The following MEGF9 variants were observed in gnomAD, a reference collection of about 807,000 sequenced individuals.
MEGF9 encodes multiple epidermal growth factor-like domains protein 9.
In MEGF9, 6 loss-of-function variants were observed where a neutral mutation model predicts 46.8. That is an observed-to-expected ratio of 0.13 (90% CI 0.07 to 0.25). The LOEUF (loss-of-function observed/expected upper bound fraction) is 0.25, where lower values mean the gene tolerates loss of function less well. Among genes scored for constraint, MEGF9 ranks in the 10% least tolerant of loss-of-function variants. The pLI, the probability that MEGF9 is intolerant of heterozygous loss-of-function variation, is 1.00. For missense variants in MEGF9, 683 were observed against 792.4 expected, an observed-to-expected ratio of 0.86 and a Z score of 1.66; for synonymous variants, 302 against 330.7, an observed-to-expected ratio of 0.91 and a Z score of 0.94.
chr9:120,628,824 A>T lies in MEGF9; in HGVS notation c.804-6069T>A, dbSNP rs75976180. ...TTTGCTATGCAAATATCCTTGAATA[A>T]ATAGTCCAGAACAAGGCAGTGCCTC... On this transcript the variant is annotated intron_variant, in intron 2 of 5. Transcript: ENST00000373930. Among the ~76,000 whole-genome samples, 1,218 of 152,302 alleles carry T rather than the reference A, an allele frequency of 8.0e-3. 20 individuals are homozygous for T. Among genetic ancestry groups the T allele is most frequent in the African/African-American group, 0.028 (1,158 of 41,558 alleles).
intron 2 of MEGF9, among the ~76,000 whole-genome samples, chr9:120,648,415 T>C (rs1023372968): frequency 6.6e-6 from 1 of 152,010 alleles, no homozygotes; most frequent in Non-Finnish European, 1.5e-5. Context: ...TCCCCACTAC[T>C]ACCAAACTTT....
In MEGF9 at chr9:120,603,878, A is replaced by AT. The variant is rs1308182146; in HGVS notation, c.*1311dup. 6.6e-6 allele frequency: 1 copy of AT among 152,554 alleles called. No homozygotes were observed. The highest frequency in any genetic ancestry group is 2.4e-5 in the African/African-American group (1 of 41,412). The allele number at this position is 152,554 out of a possible 1,614,324, so 9.5% of individuals were successfully genotyped here. A position where few individuals can be genotyped will look rare whatever the true frequency, so the allele number is the denominator to read the frequency against. ...GACAGGCTATGTTCACATGTAGGAG[A>AT]TTTTTTATTTGGGGTGAGGGAGGAT... On this transcript the variant is annotated 3_prime_UTR_variant, in exon 6 of 6. Coordinates refer to ENST00000373930, the MANE Select transcript of MEGF9 (RefSeq NM_001080497.3).
intron 2 of MEGF9, among the ~76,000 whole-genome samples, chr9:120,646,036 A>G (rs1385561628): frequency 6.6e-6 from 1 of 152,332 alleles, no homozygotes; most frequent in East Asian, 1.9e-4. Context: ...AAGCATTTCC[A>G]TAAGTTCAAC....
chr9:120,627,864 A>T (rs2043532311), intron 2 of MEGF9, among the ~76,000 whole-genome samples: 1 of 152,238 alleles, frequency 6.6e-6, no homozygotes, highest in Non-Finnish European at 1.5e-5. Flanking sequence ...TGACACTCTG[A>T]CATGAAGACA....
At chr9:120,646,077 T>C (rs916092877) in intron 2 of MEGF9, among the ~76,000 whole-genome samples, 2 of 152,200 alleles carry the variant, frequency 1.3e-5, no homozygotes, top group Non-Finnish European at 2.9e-5. Context: ...TAGATTTGTA[T>C]GTATTAATGC....
At chr9:120,631,864 T>C (rs2043552075) in intron 2 of MEGF9, among the ~76,000 whole-genome samples, 1 of 152,162 alleles carries the variant, frequency 6.6e-6, no homozygotes, top group African/African-American at 2.4e-5. Flanking sequence ...CTTTTGGTAG[T>C]ATGGTTATTT....
chr9:120,618,472 T>C (rs1053734513), intron 3 of MEGF9, among the ~76,000 whole-genome samples: 8 of 152,222 alleles, frequency 5.3e-5, no homozygotes, highest in Admixed American at 1.3e-4. Context: ...AAGTATATTA[T>C]ATGAACATGA....
intron 1 of MEGF9, among the ~76,000 whole-genome samples, chr9:120,690,721 A>G (rs968027698): frequency 1.3e-5 from 2 of 152,114 alleles, no homozygotes; most frequent in African/African-American, 4.8e-5. Flanking sequence ...TTGTTTTCAT[A>G]GTTGCAACTG....
At chr9:120,634,347 T>G in intron 2 of MEGF9, among the ~76,000 whole-genome samples, 1 of 151,930 alleles carries the variant, frequency 6.6e-6, no homozygotes, top group Non-Finnish European at 1.5e-5. Flanking sequence ...TATAATGACC[T>G]TTTTTGTCTC....
intron 1 of MEGF9, among the ~76,000 whole-genome samples, chr9:120,693,207 C>T (rs1448158753): frequency 1.4e-5 from 2 of 141,322 alleles, no homozygotes; most frequent in Non-Finnish European, 3.0e-5. Flanking sequence ...CTTAGTGAAG[C>T]ACTGTTAAAG....
chr9:120,691,811 A>C (rs2043849757), intron 1 of MEGF9, among the ~76,000 whole-genome samples: 1 of 152,220 alleles, frequency 6.6e-6, no homozygotes, highest in African/African-American at 2.4e-5. Flanking sequence ...TTCAAGGCTG[A>C]ACATTACCGG....
At chr9:120,677,117 G>T (rs540445857) in intron 1 of MEGF9, among the ~76,000 whole-genome samples, 2 of 8,320 alleles carry the variant, frequency 2.4e-4, no homozygotes, top group East Asian at 5.6e-3. Context: ...TTTTCTTTTC[G>T]TGTGTGTGAG....
At chr9:120,650,574 T>C (rs2043645257) in intron 2 of MEGF9, among the ~76,000 whole-genome samples, 1 of 152,298 alleles carries the variant, frequency 6.6e-6, no homozygotes, top group South Asian at 2.1e-4. Context: ...AGCCAAAATC[T>C]ACCCTCACTG....
intron 1 of MEGF9, among the ~76,000 whole-genome samples, chr9:120,674,683 C>T (rs900403235): frequency 1.3e-5 from 2 of 151,910 alleles, no homozygotes; most frequent in Non-Finnish European, 2.9e-5. Flanking sequence ...ACTCTCCTGC[C>T]TCAGCCTCCT....
intron 1 of MEGF9, among the ~76,000 whole-genome samples, chr9:120,710,900 C>A (rs1181972562): frequency 1.3e-5 from 2 of 152,186 alleles, no homozygotes; most frequent in Admixed American, 1.3e-4. Context: ...TAGATATTGG[C>A]AATCTAGAGT....
At chr9:120,662,687 A>G (rs1160878111) in intron 1 of MEGF9, among the ~76,000 whole-genome samples, 1 of 152,232 alleles carries the variant, frequency 6.6e-6, no homozygotes, top group African/African-American at 2.4e-5. Context: ...AATAATTAAT[A>G]CAACAGCTGG....
chr9:120,656,546 CAAAAAAAA>C (rs11446439), intron 2 of MEGF9, among the ~76,000 whole-genome samples: 2,448 of 88,906 alleles, frequency 0.028, 36 homozygotes, highest in Non-Finnish European at 0.038. Context: ...GACTCCGTCT[CAAAAAAAA>C]AAAAAAAAAA....
At chr9:120,705,254 G>A (rs2043924160) in intron 1 of MEGF9, among the ~76,000 whole-genome samples, 1 of 152,056 alleles carries the variant, frequency 6.6e-6, no homozygotes, top group Admixed American at 6.6e-5. Flanking sequence ...GAAAGTCACA[G>A]AGAAAGACAG....
intron 1 of MEGF9, among the ~76,000 whole-genome samples, chr9:120,670,075 T>C (rs367970726): frequency 1.3e-5 from 2 of 152,134 alleles, no homozygotes; most frequent in Admixed American, 6.6e-5. Context: ...CAGGATCATG[T>C]ACTCAAATAC....
Sources: allele counts gnomAD v4.1 joint callset (sites outside exome capture counted in the v4.1 genomes callset), GRCh38; gene constraint gnomAD v4.1.1; transcripts MANE v1.5; gene names NCBI Gene and HGNC (gene_info 2026-07-23, HGNC 2026-07-21).